Variants in PRELID2 observed in about 807,000 individuals in gnomAD.
PRELID2 encodes PRELI domain containing 2.
PRELID2 carries 25 observed loss-of-function variants against 28.4 expected under a neutral mutation model. The ratio of observed to expected loss-of-function variants is 0.88; its 90% CI spans 0.64 to 1.23. The LOEUF is 1.23. Among genes scored for constraint, PRELID2 ranks in the 50% most tolerant of loss-of-function variants. The pLI is 0.00. For missense variants in PRELID2, 201 were observed against 214.4 expected (o/e 0.94, Z 0.39); for synonymous variants, 76 against 71.6 (o/e 1.06, Z -0.31).
rs1050600514 is a variant in PRELID2, at chr5:145,818,144, C to T, written c.208-90G>A. 71 of 1,362,360 alleles carry T rather than the reference C, an allele frequency of 5.2e-5. 1 individual carries two copies. The highest frequency in any genetic ancestry group is 4.2e-4 in the Admixed American group (20 of 47,092). 84.4% of individuals were successfully genotyped at this position (1,362,360 alleles called of 1,614,324 possible). A position where few individuals can be genotyped will look rare whatever the true frequency, so the allele number is the denominator to read the frequency against. On this transcript the variant is annotated intron_variant, in intron 3 of 6. Transcript: ENST00000683046. ...CAGAGTTACTCTCAGTCTTGGATAA[C>T]CAAGAGGACAAGTAATCCTGATACA... is the stretch of plus-strand genomic sequence containing the variant.
intron 1 of PRELID2, among the ~76,000 whole-genome samples, chr5:145,537,012 A>G (rs1385660389): frequency 6.6e-6 from 1 of 151,916 alleles, no homozygotes; most frequent in Admixed American, 6.6e-5. Flanking sequence ...AGTATTATCT[A>G]CATACTAGAA....
intron 4 of PRELID2, among the ~76,000 whole-genome samples, chr5:145,811,489 T>C (rs1313348320): frequency 6.6e-6 from 1 of 152,146 alleles, no homozygotes; most frequent in Non-Finnish European, 1.5e-5. Context: ...AGTCTTGGTA[T>C]GTCACCAGGC....
At chr5:145,827,838 G>A (rs1755296814) in intron 1 of PRELID2, among the ~76,000 whole-genome samples, 3 of 152,150 alleles carry the variant, frequency 2.0e-5, no homozygotes, top group Non-Finnish European at 4.4e-5. Flanking sequence ...GCAATGTGGG[G>A]TCCTGAATTG....
intron 1 of PRELID2, among the ~76,000 whole-genome samples, chr5:145,717,442 AAT>A (rs890044093): frequency 3.9e-5 from 6 of 152,226 alleles, no homozygotes; most frequent in African/African-American, 1.2e-4. Context: ...TTCAATAAAT[AAT>A]ATGTTTTTAA....
At chr5:145,284,966 G>T in the PRELID2 span, among the ~76,000 whole-genome samples, 1 of 152,080 alleles carries the variant, frequency 6.6e-6, no homozygotes, top group Non-Finnish European at 1.5e-5. Context: ...CTTACTATGT[G>T]CCAGGCACTG....
intron 5 of PRELID2, among the ~76,000 whole-genome samples, chr5:145,770,635 T>C (rs1484000122): frequency 1.3e-5 from 2 of 152,144 alleles, no homozygotes; most frequent in Non-Finnish European, 2.9e-5. Context: ...TGGGACAAGA[T>C]GTGAAGGTGA....
intron 1 of PRELID2, among the ~76,000 whole-genome samples, chr5:145,742,155 T>A (rs1234929187): frequency 2.3e-5 from 3 of 130,822 alleles, no homozygotes; most frequent in Non-Finnish European, 4.7e-5. Context: ...TATTTATTTA[T>A]TATAAATTTA....
the PRELID2 span, among the ~76,000 whole-genome samples, chr5:145,316,048 T>C: frequency 1.3e-5 from 2 of 152,204 alleles, no homozygotes; most frequent in South Asian, 4.1e-4. Context: ...GACTGCTGTG[T>C]TTCTCTTTCT....
chr5:145,338,991 C>T, the PRELID2 span, among the ~76,000 whole-genome samples: 1 of 152,076 alleles, frequency 6.6e-6, no homozygotes, highest in Non-Finnish European at 1.5e-5. Flanking sequence ...GTAAGTGGCC[C>T]ATATTATTAA....
chr5:145,528,494 G>T (rs1406825355), intron 1 of PRELID2, among the ~76,000 whole-genome samples: 1 of 152,080 alleles, frequency 6.6e-6, no homozygotes, highest in Non-Finnish European at 1.5e-5. Context: ...TCACGAGAGA[G>T]AGAGAGCACA....
intron 1 of PRELID2, among the ~76,000 whole-genome samples, chr5:145,554,118 T>A (rs942523594): frequency 3.9e-5 from 6 of 151,936 alleles, no homozygotes; most frequent in Admixed American, 1.3e-4. Context: ...GAAAAATGAG[T>A]TCAAGAGGGA....
At chr5:145,662,465 T>C (rs1754512532) in intron 1 of PRELID2, among the ~76,000 whole-genome samples, 1 of 152,010 alleles carries the variant, frequency 6.6e-6, no homozygotes, top group Admixed American at 6.6e-5. Flanking sequence ...GGCAATGCTC[T>C]TTGGTAAGCA....
intron 1 of PRELID2, among the ~76,000 whole-genome samples, chr5:145,640,675 A>G (rs1754093026): frequency 6.6e-6 from 1 of 151,844 alleles, no homozygotes; most frequent in South Asian, 2.1e-4. Context: ...GAAAAAAAAG[A>G]AAAGAAAATT....
chr5:145,602,062 G>A (rs1753406262), intron 1 of PRELID2, among the ~76,000 whole-genome samples: 1 of 152,168 alleles, frequency 6.6e-6, no homozygotes, highest in Admixed American at 6.6e-5. Context: ...TGGCACTGCG[G>A]ACCTGTCATG....
At chr5:145,279,774 G>A in the PRELID2 span, among the ~76,000 whole-genome samples, 1 of 150,536 alleles carries the variant, frequency 6.6e-6, no homozygotes, top group Non-Finnish European at 1.5e-5. Context: ...AAATTAGAAG[G>A]ACATATTCTT....
chr5:145,469,750 A>G (rs1752034646), downstream of PRELID2, among the ~76,000 whole-genome samples: 1 of 152,072 alleles, frequency 6.6e-6, no homozygotes, highest in African/African-American at 2.4e-5. Context: ...AGGGACTGCA[A>G]CCTCTGGCTC....
chr5:145,567,129 C>A (rs1460129817), intron 1 of PRELID2, among the ~76,000 whole-genome samples: 1 of 151,944 alleles, frequency 6.6e-6, no homozygotes, highest in Non-Finnish European at 1.5e-5. Context: ...TTTATTTTCC[C>A]CACCAAAATT....
intron 1 of PRELID2, among the ~76,000 whole-genome samples, chr5:145,561,538 G>A (rs1752925479): frequency 6.6e-6 from 1 of 152,126 alleles, no homozygotes. Flanking sequence ...ACAGTACTAG[G>A]TGCCAGTTTG....
At chr5:145,407,011 G>A in the PRELID2 span, among the ~76,000 whole-genome samples, 1 of 152,170 alleles carries the variant, frequency 6.6e-6, no homozygotes, top group Admixed American at 6.5e-5. Context: ...TTAGGGTGGG[G>A]TCACAGGTTG....
Sources: gnomAD v4.1 joint callset for allele counts (sites outside exome capture counted in the v4.1 genomes callset) on GRCh38, gnomAD v4.1.1 for gene constraint, MANE v1.5 for transcripts, NCBI Gene and HGNC (gene_info 2026-07-23, HGNC 2026-07-21) for gene names.